The following ANXA13 variants were observed in gnomAD, a reference collection of about 807,000 sequenced individuals.
The protein encoded by ANXA13 is annexin A13.
In ANXA13, 36 loss-of-function variants were observed where a neutral mutation model predicts 46.6. The ratio of observed to expected loss-of-function variants is 0.77; its 90% CI spans 0.59 to 1.02. The LOEUF is 1.02. Among genes scored for constraint, ANXA13 ranks in the 50% least tolerant of loss-of-function variants. The pLI is 0.00. For missense variants in ANXA13, 417 were observed against 396.5 expected (o/e 1.05, Z -0.44); for synonymous variants, 163 against 152.9 (o/e 1.07, Z -0.49).
intron 1 of ANXA13, among the ~76,000 whole-genome samples, chr8:123,735,352 C>T (rs1814236229): frequency 6.6e-6 from 1 of 152,142 alleles, no homozygotes; most frequent in Non-Finnish European, 1.5e-5. Flanking sequence ...CTTTCTAATG[C>T]AAATAAGTTA....
At chr8:123,730,463 T>TA (rs1164853410) in intron 1 of ANXA13, among the ~76,000 whole-genome samples, 2 of 152,170 alleles carry the variant, frequency 1.3e-5, no homozygotes. Flanking sequence ...TGCTGAAGTT[T>TA]AAAATCACTG....
intron 1 of ANXA13, chr8:123,729,012 G>A (rs1814057189): frequency 1.3e-5 from 2 of 151,914 alleles, no homozygotes; most frequent in African/African-American, 4.8e-5. Context: ...TATCAGTAGT[G>A]GTAGTAGTAA....
At chr8:123,709,258 A>C (rs185293843) in intron 2 of ANXA13, among the ~76,000 whole-genome samples, 1 of 152,284 alleles carries the variant, frequency 6.6e-6, no homozygotes, top group East Asian at 1.9e-4. Context: ...CCATGTGAGG[A>C]GACATTGTTA....
chr8:123,698,085 T>G (rs1813375960), intron 4 of ANXA13, among the ~76,000 whole-genome samples: 1 of 152,136 alleles, frequency 6.6e-6, no homozygotes, highest in African/African-American at 2.4e-5. Context: ...AGCCGCAAAG[T>G]CAGGCTGGGT....
chr8:123,691,162 G>T (rs1813233935), intron 8 of ANXA13, among the ~76,000 whole-genome samples: 1 of 152,122 alleles, frequency 6.6e-6, no homozygotes, highest in Admixed American at 6.5e-5. Flanking sequence ...GAGTTTTTGT[G>T]CTGAAAATTA....
rs1239688961 is a variant in ANXA13 at position 123,681,202 on chromosome 8, G to A, written c.*38C>T. On this transcript the variant is annotated 3_prime_UTR_variant, in exon 11 of 11. Coordinates refer to ENST00000419625, the MANE Select transcript of ANXA13 (RefSeq NM_004306.4). ...TGATTTGGAATGTGCTCTTGACAAA[G>A]GCGGTTCCACCCTGTGTTCCTATTG... The A allele has an allele frequency of 1.3e-6, 2 of 1,562,962 alleles. No homozygotes were observed. Among genetic ancestry groups the A allele is most frequent in the Non-Finnish European group, 1.7e-6 (2 of 1,153,780 alleles).
At chr8:123,701,765 T>C (rs996404947) in intron 3 of ANXA13, among the ~76,000 whole-genome samples, 1 of 146,170 alleles carries the variant, frequency 6.8e-6, no homozygotes, top group Non-Finnish European at 1.5e-5. Context: ...TTTTTTTTTT[T>C]AGGTGTGTGA....
intron 2 of ANXA13, among the ~76,000 whole-genome samples, chr8:123,708,534 G>C (rs1399483612): frequency 6.6e-6 from 1 of 152,162 alleles, no homozygotes; most frequent in Non-Finnish European, 1.5e-5. Context: ...CTGCTGGGCC[G>C]CGCAGTCCCT....
At chr8:123,692,004 G>GGAGT (rs1394918252) in intron 8 of ANXA13, among the ~76,000 whole-genome samples, 1 of 152,212 alleles carries the variant, frequency 6.6e-6, no homozygotes, top group African/African-American at 2.4e-5. Flanking sequence ...AGAGACCAGG[G>GGAGT]GAGTGCAGGG....
intron 4 of ANXA13, among the ~76,000 whole-genome samples, chr8:123,697,529 C>T (rs1415262782): frequency 6.6e-6 from 1 of 152,230 alleles, no homozygotes; most frequent in East Asian, 1.9e-4. Flanking sequence ...AGAGGCTGAG[C>T]AGCGTGAACG....
chr8:123,704,311 T>C (rs1426287344), intron 2 of ANXA13, among the ~76,000 whole-genome samples: 3 of 152,112 alleles, frequency 2.0e-5, no homozygotes, highest in Non-Finnish European at 4.4e-5. Flanking sequence ...CAAGCTCTTC[T>C]TTACAGAAGA....
At chr8:123,694,286 T>C (rs982069286) in intron 6 of ANXA13, among the ~76,000 whole-genome samples, 1 of 152,200 alleles carries the variant, frequency 6.6e-6, no homozygotes, top group Non-Finnish European at 1.5e-5. Context: ...ACTCCTGTGA[T>C]TGTGTTATAT....
In ANXA13 at chr8:123,732,718, A is replaced by G. The variant is rs116186824; in HGVS notation, c.15+4602T>C. Among the ~76,000 whole-genome samples the G allele has an allele frequency of 5.3e-3, 798 of 151,998 alleles. 3 individuals carry two copies. The highest frequency in any genetic ancestry group is 0.018 in the African/African-American group (757 of 41,486). ...CATAGACAAAATATCCAAAAGGCCA[A>G]GATTGCATAATTGTACCTAAAATGT... On this transcript the variant is annotated intron_variant, in intron 1 of 10. Coordinates refer to ENST00000419625, the MANE Select transcript of ANXA13 (RefSeq NM_004306.4).
chr8:123,737,023 T>C (rs1019627853), intron 1 of ANXA13, among the ~76,000 whole-genome samples: 4 of 151,628 alleles, frequency 2.6e-5, no homozygotes, highest in Non-Finnish European at 5.9e-5. Context: ...TAACTTTTTT[T>C]TTTTTTTTAA....
intron 8 of ANXA13, among the ~76,000 whole-genome samples, chr8:123,692,592 C>A (rs1203509617): frequency 3.3e-5 from 5 of 152,070 alleles, no homozygotes; most frequent in African/African-American, 1.2e-4. Flanking sequence ...CTTTGAGGTA[C>A]CTCATATCTG....
chr8:123,699,363 T>G (rs1328186868), intron 3 of ANXA13, among the ~76,000 whole-genome samples: 1 of 152,114 alleles, frequency 6.6e-6, no homozygotes, highest in Non-Finnish European at 1.5e-5. Context: ...AATTTTTTTG[T>G]GTAGAGATGG....
chr8:123,736,050 T>C (rs1170234798), intron 1 of ANXA13, among the ~76,000 whole-genome samples: 1 of 152,234 alleles, frequency 6.6e-6, no homozygotes, highest in Admixed American at 6.5e-5. Flanking sequence ...TAGGCTTCAG[T>C]TTCTCTGAAA....
intron 1 of ANXA13, among the ~76,000 whole-genome samples, chr8:123,723,282 C>A (rs1304988729): frequency 2.0e-5 from 3 of 152,190 alleles, no homozygotes; most frequent in African/African-American, 7.2e-5. Flanking sequence ...CAGCACAGAG[C>A]CATTGATTCC....
At chr8:123,722,164 T>C (rs1287032466) in intron 1 of ANXA13, among the ~76,000 whole-genome samples, 6 of 151,682 alleles carry the variant, frequency 4.0e-5, no homozygotes, top group Middle Eastern at 3.4e-3. Context: ...ACATTTAGCT[T>C]GGCATGGTGG....
Sources: gnomAD v4.1 joint callset for allele counts (sites outside exome capture counted in the v4.1 genomes callset) on GRCh38, gnomAD v4.1.1 for gene constraint, MANE v1.5 for transcripts, NCBI Gene and HGNC (gene_info 2026-07-23, HGNC 2026-07-21) for gene names.